Variants in TSPAN18 observed in about 807,000 individuals in gnomAD.
The protein encoded by TSPAN18 is tetraspanin 18, also known as tetraspanin-18.
TSPAN18 carries 14 observed loss-of-function variants against 27.3 expected under a neutral mutation model. The ratio of observed to expected loss-of-function variants is 0.51; its 90% confidence interval spans 0.34 to 0.80. TSPAN18 has a LOEUF of 0.80. Among genes scored for constraint, TSPAN18 ranks in the 30% least tolerant of loss-of-function variants. The pLI is 0.01. For synonymous variants in TSPAN18, 143 were observed against 136.5 expected (o/e 1.05, Z -0.33); for missense variants, 268 against 323.9 (o/e 0.83, Z 1.32).
At chr11:44,751,229 C>T (rs142017281) in intron 1 of TSPAN18, among the ~76,000 whole-genome samples, 4 of 152,296 alleles carry the variant, frequency 2.6e-5, no homozygotes, top group South Asian at 4.2e-4. Context: ...TCGTGCTTGG[C>T]TCCCTGCACA....
chr11:44,872,638 T>A (rs114503141), intron 3 of TSPAN18, among the ~76,000 whole-genome samples: 1 of 152,214 alleles, frequency 6.6e-6, no homozygotes, highest in African/African-American at 2.4e-5. Flanking sequence ...GCTTACTATA[T>A]GCCAGACTCT....
intron 2 of TSPAN18, among the ~76,000 whole-genome samples, chr11:44,816,373 C>T (rs1242714965): frequency 6.6e-6 from 1 of 152,210 alleles, no homozygotes; most frequent in Non-Finnish European, 1.5e-5. Flanking sequence ...TGTGCTTGTA[C>T]CAGCTTCAGC....
At chr11:44,908,099 A>G (rs1241987552) in intron 4 of TSPAN18, among the ~76,000 whole-genome samples, 1 of 150,704 alleles carries the variant, frequency 6.6e-6, no homozygotes, top group African/African-American at 2.4e-5. Context: ...GCAGATGGCA[A>G]AAATGGAAAC....
Position 44,790,178 on chromosome 11 carries a change from T to C in TSPAN18, c.-153+25666T>C, listed in dbSNP as rs111633893. ...ATGTGTGTGTGTGCATGTGTGTGTG[T>C]GCGCATATGTGTGTGTGCATGTGTC... On this transcript the variant is annotated intron_variant, in intron 2 of 9. Coordinates refer to ENST00000520358, the MANE Select transcript of TSPAN18 (RefSeq NM_130783.5). Among the ~76,000 whole-genome samples, 533 of 151,304 alleles carry C rather than the reference T, an allele frequency of 3.5e-3. 4 individuals carry two copies. The highest frequency in any genetic ancestry group is 0.012 in the African/African-American group (499 of 41,208).
intron 3 of TSPAN18, among the ~76,000 whole-genome samples, chr11:44,861,793 TCA>T (rs56816197): frequency 0.26 from 34,321 of 131,616 alleles, 4,437 homozygotes; most frequent in South Asian, 0.37. Flanking sequence ...AGCCCAAATT[TCA>T]CACACACACA....
At position 44,929,335 on chromosome 11, in the gene TSPAN18, T is replaced by C. The variant is rs533213666; in HGVS notation, c.*157T>C. 4.3e-4 allele frequency: 378 copies of C among 873,258 alleles called. 10 individuals carry two copies. In the South Asian group the frequency reaches 5.9e-3, roughly 14 times the overall value. 54.1% of individuals were successfully genotyped at this position (873,258 alleles called of 1,614,324 possible). A position where few individuals can be genotyped will look rare whatever the true frequency, so the allele number is the denominator to read the frequency against. On this transcript the variant is annotated 3_prime_UTR_variant, in exon 10 of 10. Transcript: ENST00000520358. Reference sequence around the variant, plus strand: ...GGGCCAGGGGAATAGAGCTATTTTTTTAACAAAACAAAATGAAGACAAAAA... The same window carrying C: ...GGGCCAGGGGAATAGAGCTATTTTTCTAACAAAACAAAATGAAGACAAAAA...
intron 2 of TSPAN18, among the ~76,000 whole-genome samples, chr11:44,774,512 G>T (rs890466461): frequency 2.5e-4 from 38 of 152,232 alleles, no homozygotes; most frequent in African/African-American, 9.2e-4. Context: ...GTAGCAAGGA[G>T]ACCTGGGGTG....
At chr11:44,740,496 G>A (rs1254922093) in intron 1 of TSPAN18, among the ~76,000 whole-genome samples, 1 of 152,218 alleles carries the variant, frequency 6.6e-6, no homozygotes, top group African/African-American at 2.4e-5. Flanking sequence ...GAGGGGCTGG[G>A]ACTGGGCCAC....
chr11:44,749,450 A>T (rs1427392727), intron 1 of TSPAN18, among the ~76,000 whole-genome samples: 1 of 151,992 alleles, frequency 6.6e-6, no homozygotes, highest in Non-Finnish European at 1.5e-5. Flanking sequence ...CCCACCCTGG[A>T]GTTAGAAGGA....
intron 4 of TSPAN18, among the ~76,000 whole-genome samples, chr11:44,907,014 C>T (rs754776762): frequency 1.3e-5 from 2 of 152,228 alleles, no homozygotes; most frequent in Non-Finnish European, 2.9e-5. Flanking sequence ...ATCTTCATCT[C>T]TTAATGACCT....
intron 2 of TSPAN18, among the ~76,000 whole-genome samples, chr11:44,796,341 G>T (rs1051299677): frequency 1.3e-5 from 2 of 152,166 alleles, no homozygotes; most frequent in Non-Finnish European, 1.5e-5. Flanking sequence ...TGTTTTTGCT[G>T]ATTCATGGGA....
At chr11:44,851,788 C>T (rs1176715564) in intron 2 of TSPAN18, among the ~76,000 whole-genome samples, 2 of 152,208 alleles carry the variant, frequency 1.3e-5, no homozygotes, top group Non-Finnish European at 2.9e-5. Flanking sequence ...CTCCAACACC[C>T]ATTGCAGCTA....
At chr11:44,783,546 G>A (rs181736208) in intron 2 of TSPAN18, among the ~76,000 whole-genome samples, 4 of 151,934 alleles carry the variant, frequency 2.6e-5, no homozygotes, top group Admixed American at 1.3e-4. Flanking sequence ...CTATAGACAC[G>A]TACCACCACG....
chr11:44,766,627 TG>T (rs1855573956), intron 2 of TSPAN18, among the ~76,000 whole-genome samples: 1 of 152,216 alleles, frequency 6.6e-6, no homozygotes, highest in Non-Finnish European at 1.5e-5. Flanking sequence ...GGGGTGCTGT[TG>T]TTCTTGGTTT....
In TSPAN18 at chr11:44,916,045, G is replaced by A. The variant is rs184199200; in HGVS notation, c.259-1927G>A. 3.3e-5 allele frequency among the ~76,000 whole-genome samples: 5 copies of A among 152,314 alleles called. No individual in the cohort carries two copies. In the East Asian group the frequency reaches 7.7e-4, roughly 24 times the overall value. On this transcript the variant is annotated intron_variant, in intron 5 of 9. Transcript: ENST00000520358. Reference sequence around the variant, plus strand: ...TTGAGGAGTGACACATCCCCGCCACGGGCTGGGCTGCTTTGCTGAAGCAAG... The same window carrying A: ...TTGAGGAGTGACACATCCCCGCCACAGGCTGGGCTGCTTTGCTGAAGCAAG...
intron 8 of TSPAN18, among the ~76,000 whole-genome samples, chr11:44,922,684 A>T (rs1339410843): frequency 1.3e-5 from 2 of 151,328 alleles, no homozygotes; most frequent in Non-Finnish European, 3.0e-5. Flanking sequence ...GATCTGAGAA[A>T]TGTTCAGGAG....
intron 2 of TSPAN18, among the ~76,000 whole-genome samples, chr11:44,807,624 G>C (rs959598693): frequency 6.6e-6 from 1 of 152,034 alleles, no homozygotes; most frequent in African/African-American, 2.4e-5. Context: ...TATTCAGTGG[G>C]TGTGGGTATT....
At chr11:44,838,144 G>T (rs1857300443) in intron 2 of TSPAN18, among the ~76,000 whole-genome samples, 1 of 152,178 alleles carries the variant, frequency 6.6e-6, no homozygotes, top group Non-Finnish European at 1.5e-5. Flanking sequence ...TTCTCAAGCT[G>T]CTAATAAAGA....
chr11:44,810,064 A>G (rs975648595), intron 2 of TSPAN18, among the ~76,000 whole-genome samples: 58 of 152,080 alleles, frequency 3.8e-4, no homozygotes, highest in African/African-American at 1.4e-3. Flanking sequence ...ATCCCGTATT[A>G]CCCGTTTGCC....
Sources: gnomAD v4.1 joint callset for allele counts (sites outside exome capture counted in the v4.1 genomes callset) on GRCh38, gnomAD v4.1.1 for gene constraint, MANE v1.5 for transcripts, NCBI Gene and HGNC (gene_info 2026-07-23, HGNC 2026-07-21) for gene names.